LIPM: variants seen among roughly 807,000 people sequenced by gnomAD.
LIPM encodes the protein lipase family member M, also known as lipase member M.
A neutral mutation model predicts 42.4 loss-of-function variants in LIPM; 42 were observed. That is an observed-to-expected ratio of 0.99 (90% CI 0.77 to 1.28). The LOEUF (loss-of-function observed/expected upper bound fraction) is 1.28, where lower values mean the gene tolerates loss of function less well. LIPM is among the 50% of genes most tolerant of loss of function. The probability of loss-of-function intolerance (pLI) is 0.00; values close to 1 mark genes in which losing one functional copy is unlikely to be tolerated. For synonymous variants in LIPM, 177 were observed against 173.3 expected, an observed-to-expected ratio of 1.02 and a Z score of -0.17; for missense variants, 524 against 520.1, an observed-to-expected ratio of 1.01 and a Z score of -0.07.
chr10:88,817,930 A>G (rs1209258042), intron 8 of LIPM, 34 bp downstream of exon 8: 12 of 1,454,350 alleles, frequency 8.3e-6, no homozygotes, highest in African/African-American at 7.0e-5. Flanking sequence ...CTGAAAATAT[A>G]TACATTGGAA....
chr10:88,810,898 G>C (rs941887241), intron 2 of LIPM, among the ~76,000 whole-genome samples: 9 of 152,196 alleles, frequency 5.9e-5, no homozygotes, highest in African/African-American at 2.2e-4. Context: ...TGGTTTGATT[G>C]TCCTGTGTTA....
rs1272319408 is a variant in LIPM, at chr10:88,815,345, A to G, written c.712-12A>G. On this transcript the variant is annotated splice_polypyrimidine_tract_variant and intron_variant, in intron 5 of 8. Coordinates refer to ENST00000404743, the MANE Select transcript of LIPM (RefSeq NM_001128215.1). ...CTGTCTGTCATGTCTATGTCACTTC[A>G]TATTTTCACAGGGATTGTTTGGCAA... 6.4e-7 allele frequency: 1 copy of G among 1,551,520 alleles called. No individual in the cohort carries two copies. Among genetic ancestry groups the G allele is most frequent in the Non-Finnish European group, 8.7e-7 (1 of 1,146,892 alleles).
chr10:88,816,670 T>G, intron 6 of LIPM, 146 bp from the exon 7 acceptor site: 3 of 608,664 alleles, frequency 4.9e-6, no homozygotes, highest in Non-Finnish European at 9.0e-6. Context: ...TTTACGTGCA[T>G]GTACATATTT....
intron 7 of LIPM, 124 bp downstream of exon 7, chr10:88,817,011 T>C: frequency 1.4e-6 from 1 of 730,380 alleles, no homozygotes; most frequent in East Asian, 2.7e-5. Flanking sequence ...AAATGCAGTA[T>C]CGTCGATGCT....
In LIPM at chr10:88,817,880, T is replaced by C. The variant is rs1174279094; in HGVS notation, c.986T>C (p.Leu329Pro). 6.4e-7 allele frequency: 1 copy of C among 1,551,174 alleles called. No individual in the cohort carries two copies. The highest frequency in any genetic ancestry group is 8.7e-7 in the Non-Finnish European group (1 of 1,146,664). ...AFDWGSETKN[L>P]EKCNQPTPVR... ...GACTGGGGGAGTGAGACCAAAAATCTGGAAAAATGCAATCAGGTAAGAAAA... is the reference window on the plus strand; with the variant it reads ...GACTGGGGGAGTGAGACCAAAAATCCGGAAAAATGCAATCAGGTAAGAAAA... Residue 329 changes from leucine (L) to proline (P), a missense_variant, in exon 8 of 9, where the codon CTG (leucine) becomes CCG (proline). By Grantham distance (98) the Leu-to-Pro change is moderately conservative. Coordinates refer to ENST00000404743, the MANE Select transcript of LIPM (RefSeq NM_001128215.1).
intron 2 of LIPM, 115 bp from the exon 3 acceptor site, chr10:88,812,982 G>A (rs1010174498): frequency 2.4e-6 from 2 of 839,420 alleles, no homozygotes; most frequent in African/African-American, 1.7e-5. Flanking sequence ...AAGCTAGCAA[G>A]CAGCTGAATC....
intron 7 of LIPM, 26 bp downstream of exon 7, chr10:88,816,913 T>C (rs1564599037): frequency 4.0e-6 from 6 of 1,508,876 alleles, no homozygotes; most frequent in Non-Finnish European, 3.6e-6. Context: ...TTGCAGTCTT[T>C]GCTAAATGTC....
Position 88,815,185 on chromosome 10 carries a change from C to T in LIPM, c.672C>T (p.Pro224=), listed in dbSNP as rs1355921677. The T allele has an allele frequency of 1.7e-5, 27 of 1,551,740 alleles. No homozygotes were observed. The highest frequency in any genetic ancestry group is 1.2e-4 in the East Asian group (5 of 40,922). Residue 224 remains proline, a synonymous_variant, in exon 5 of 9, where the codon CCC becomes CCT. Transcript: ENST00000404743. ...PIATVKHAKS[P]GTKFLLLPDM... is the part of the protein sequence containing the mutation. ...CCACTGTTAAGCATGCAAAAAGCCC[C>T]GGGACCAAATTTTTGTTGCTGCCAG... is the stretch of plus-strand genomic sequence containing the variant.
chr10:88,817,426 A>G (rs1843730421), intron 7 of LIPM, among the ~76,000 whole-genome samples: 1 of 152,278 alleles, frequency 6.6e-6, no homozygotes, highest in Non-Finnish European at 1.5e-5. Context: ...GAGAGAGAGC[A>G]ATTGTACCAT....
chr10:88,817,406 G>A (rs1354477521), intron 7 of LIPM, among the ~76,000 whole-genome samples: 1 of 152,198 alleles, frequency 6.6e-6, no homozygotes, highest in Non-Finnish European at 1.5e-5. Context: ...CAGGTAGGGA[G>A]AGACAGAGAG....
chr10:88,813,480 T>C (rs914020607), intron 3 of LIPM, among the ~76,000 whole-genome samples, 185 bp downstream of exon 3: 3 of 152,120 alleles, frequency 2.0e-5, no homozygotes, highest in Non-Finnish European at 4.4e-5. Flanking sequence ...AATGCTGAGT[T>C]CCCCATGTAG....
intron 7 of LIPM, 73 bp from the exon 8 acceptor site, chr10:88,817,752 C>T: frequency 2.0e-6 from 2 of 999,576 alleles, no homozygotes; most frequent in Non-Finnish European, 3.1e-6. Context: ...CACTGGGTAG[C>T]ACATTTCCAC....
chr10:88,817,863 G>A lies in LIPM; in HGVS notation c.969G>A (p.Gly323=), dbSNP rs1203346684. 1 of 1,551,428 alleles carries A rather than the reference G, an allele frequency of 6.4e-7. No homozygotes were observed. Among genetic ancestry groups the A allele is most frequent in the Non-Finnish European group, 8.7e-7 (1 of 1,146,848 alleles). The change falls in exon 8 of 9, where the codon GGG becomes GGA. Residue 323 remains glycine, a synonymous_variant. Coordinates refer to ENST00000404743, the MANE Select transcript of LIPM (RefSeq NM_001128215.1). The part of the protein sequence containing the change: ...NSGELRAFDW[G]SETKNLEKCN... ...GTGAACTCCGGGCATTTGACTGGGG[G>A]AGTGAGACCAAAAATCTGGAAAAAT...
chr10:88,813,103 G>C lies in LIPM; in HGVS notation c.272G>C (p.Arg91Thr), dbSNP rs1206981792. The C allele has an allele frequency of 3.8e-6, 6 of 1,589,328 alleles. No homozygotes were observed. The highest frequency in any genetic ancestry group is 5.1e-6 in the Non-Finnish European group (6 of 1,167,104). The change falls in exon 3 of 9, where the codon AGG becomes ACG. Residue 91 changes from arginine (R) to threonine (T), a missense_variant. Physicochemically the swap from Arg to Thr is moderately conservative, Grantham distance 71. Transcript: ENST00000404743. ...GLVQPKKTGS[R>T]PVVLLQHGLV... The stretch of plus-strand genomic sequence containing the variant: ...AAATTTTCTCTTTTTGCAGGTTCCA[G>C]GCCTGTGGTGTTACTGCAGCATGGC...
intron 2 of LIPM, 125 bp downstream of exon 2, chr10:88,808,540 GGAT>G: frequency 1.7e-6 from 1 of 579,394 alleles, no homozygotes. Flanking sequence ...TCAGGTCAAA[GGAT>G]GGTGTCAGTT....
At chr10:88,818,956 C>T (rs191657968) in intron 8 of LIPM, among the ~76,000 whole-genome samples, 258 of 152,232 alleles carry the variant, frequency 1.7e-3, no homozygotes, top group African/African-American at 6.0e-3. Flanking sequence ...GGCGCAGTCT[C>T]GGCTCACTGA....
rs1406645515 is a variant in LIPM, at chr10:88,815,487, C to T, written c.842C>T (p.Thr281Ile). Residue 281 changes from threonine to isoleucine, a missense_variant, in exon 6 of 9, where the codon ACC becomes ATC. Transcript: ENST00000404743. ...ATGTTACTTCTGGGTGGATTCAACA[C>T]CAACAATATGAACATGGTAAGTGGG... The part of the protein sequence containing the change: ...NIMLLLGGFN[T>I]NNMNMSRASV... The T allele has an allele frequency of 5.2e-6, 8 of 1,551,256 alleles. No individual in the cohort carries two copies. Among genetic ancestry groups the T allele is most frequent in the South Asian group, 1.2e-5 (1 of 83,996 alleles).
chr10:88,808,642 C>T lies in LIPM; in HGVS notation c.265+227C>T, dbSNP rs535250117. On this transcript the variant is annotated intron_variant, in intron 2 of 8. Coordinates refer to ENST00000404743, the MANE Select transcript of LIPM (RefSeq NM_001128215.1). The stretch of plus-strand genomic sequence containing the variant: ...CATACAGTGTTTGCTTTTCAAAACA[C>T]TCCTTCAAGAAAAGTTCATTTCTTG... 2.6e-5 allele frequency among the ~76,000 whole-genome samples: 4 copies of T among 152,290 alleles called. No individual in the cohort carries two copies. The East Asian group carries it at 7.7e-4, about 29-fold the overall frequency.
At chr10:88,803,181 T>G (rs1373403360) in intron 1 of LIPM, 138 bp downstream of exon 1, 1 of 964,036 alleles carries the variant, frequency 1.0e-6, no homozygotes, top group Admixed American at 3.1e-5. Context: ...CAAATTGTAC[T>G]GGAAAGAATG....
Sources: allele counts gnomAD v4.1 joint callset (sites outside exome capture counted in the v4.1 genomes callset), GRCh38; gene constraint gnomAD v4.1.1; transcripts MANE v1.5; gene names NCBI Gene and HGNC (gene_info 2026-07-23, HGNC 2026-07-21).